STPG2: variants seen among roughly 807,000 people sequenced by gnomAD.
STPG2 encodes sperm tail PG-rich repeat containing 2.
STPG2 carries 56 observed loss-of-function variants against 54.2 expected under a neutral mutation model. That is an observed-to-expected ratio of 1.03 (90% CI 0.83 to 1.29). STPG2 has a LOEUF of 1.29. Among genes scored for constraint, STPG2 ranks in the 50% most tolerant of loss-of-function variants. STPG2 has a pLI of 0.00. For synonymous variants in STPG2, 200 were observed against 181.8 expected, an observed-to-expected ratio of 1.10 and a Z score of -0.81; for missense variants, 596 against 544.9, an observed-to-expected ratio of 1.09 and a Z score of -0.93.
At chr4:97,801,967 G>A (rs1026248238) in intron 9 of STPG2, among the ~76,000 whole-genome samples, 3 of 152,156 alleles carry the variant, frequency 2.0e-5, no homozygotes, top group African/African-American at 7.2e-5. Flanking sequence ...TCTCAAACTA[G>A]CATGCATTAG....
At chr4:98,139,646 A>G (rs1222570430) in intron 1 of STPG2, among the ~76,000 whole-genome samples, 1 of 139,354 alleles carries the variant, frequency 7.2e-6, no homozygotes, top group East Asian at 2.0e-4. Flanking sequence ...TGTTCCTTCT[A>G]TTGATTATCA....
chr4:97,488,532 A>C (rs1016935971), intron 4 of STPG2, among the ~76,000 whole-genome samples: 13 of 151,742 alleles, frequency 8.6e-5, no homozygotes, highest in African/African-American at 2.9e-4. Flanking sequence ...ATAGAAATTT[A>C]TGTCTCACTC....
intron 8 of STPG2, among the ~76,000 whole-genome samples, chr4:97,845,872 T>C (rs1007617019): frequency 6.6e-6 from 1 of 152,216 alleles, no homozygotes; most frequent in Non-Finnish European, 1.5e-5. Flanking sequence ...AGCCATTTAC[T>C]AAGTCTGGGC....
chr4:97,957,467 G>A (rs1733723016), intron 7 of STPG2, among the ~76,000 whole-genome samples: 1 of 151,956 alleles, frequency 6.6e-6, no homozygotes, highest in South Asian at 2.1e-4. Context: ...TGAGAAAGAA[G>A]GGAAATCTAG....
intron 10 of STPG2, among the ~76,000 whole-genome samples, chr4:97,612,798 C>T (rs1733764163): frequency 6.6e-6 from 1 of 151,754 alleles, no homozygotes; most frequent in African/African-American, 2.4e-5. Context: ...TACACTACAG[C>T]ATAAATAAAA....
intron 4 of STPG2, among the ~76,000 whole-genome samples, chr4:97,494,897 C>T (rs185241402): frequency 2.0e-4 from 30 of 151,494 alleles, no homozygotes; most frequent in Admixed American, 8.6e-4. Flanking sequence ...AAAATATATA[C>T]GCCACATACT....
chr4:97,563,580 C>T (rs1477797185), intron 10 of STPG2, among the ~76,000 whole-genome samples: 4 of 152,156 alleles, frequency 2.6e-5, no homozygotes, highest in African/African-American at 9.7e-5. Flanking sequence ...GCATTTAGTG[C>T]TATAAATTTC....
intron 8 of STPG2, among the ~76,000 whole-genome samples, chr4:97,879,511 T>A (rs1730296695): frequency 6.6e-6 from 1 of 152,108 alleles, no homozygotes; most frequent in South Asian, 2.1e-4. Flanking sequence ...CAAAAGTGGT[T>A]TCCCCTTATA....
At chr4:97,930,149 A>C (rs1236791698) in intron 8 of STPG2, among the ~76,000 whole-genome samples, 1 of 152,038 alleles carries the variant, frequency 6.6e-6, no homozygotes, top group Non-Finnish European at 1.5e-5. Flanking sequence ...TACCCACCTC[A>C]GCCTCCTAAA....
chr4:97,864,433 A>G (rs1387523790), intron 8 of STPG2, among the ~76,000 whole-genome samples: 1 of 152,230 alleles, frequency 6.6e-6, no homozygotes, highest in Non-Finnish European at 1.5e-5. Flanking sequence ...GCTCAGTGAA[A>G]TAAAAGAGGA....
At chr4:98,010,040 T>C (rs757724612) in intron 5 of STPG2, among the ~76,000 whole-genome samples, 83 of 152,172 alleles carry the variant, frequency 5.5e-4, no homozygotes, top group East Asian at 5.8e-4. Flanking sequence ...TTTTATCTTT[T>C]CAAAAATCCA....
chr4:97,728,849 T>C (rs1724701941), intron 9 of STPG2, among the ~76,000 whole-genome samples: 1 of 151,964 alleles, frequency 6.6e-6, no homozygotes, highest in African/African-American at 2.4e-5. Flanking sequence ...CCTACAAATA[T>C]CTCCAGAAAT....
chr4:97,490,511 T>C (rs1390516734), intron 4 of STPG2, among the ~76,000 whole-genome samples: 1 of 151,554 alleles, frequency 6.6e-6, no homozygotes, highest in African/African-American at 2.4e-5. Flanking sequence ...TATCTGTACA[T>C]TCCCACTAAG....
intron 10 of STPG2, among the ~76,000 whole-genome samples, chr4:97,609,770 AT>A (rs1433779750): frequency 3.9e-5 from 6 of 152,104 alleles, no homozygotes; most frequent in Non-Finnish European, 7.4e-5. Flanking sequence ...CACAAATATA[AT>A]TCAGATTAAA....
intron 9 of STPG2, among the ~76,000 whole-genome samples, chr4:97,793,400 CACAG>C (rs1222130431): frequency 5.4e-5 from 8 of 148,274 alleles, no homozygotes; most frequent in African/African-American, 2.0e-4. Context: ...CACACACACA[CACAG>C]AGAAATAGCA....
At chr4:97,816,235 A>C (rs2149100717) in intron 9 of STPG2, among the ~76,000 whole-genome samples, 1 of 151,716 alleles carries the variant, frequency 6.6e-6, no homozygotes, top group South Asian at 2.1e-4. Context: ...GCTGCATAGT[A>C]CTCCATGGTA....
At chr4:98,140,679 A>T (rs899077769) in intron 1 of STPG2, among the ~76,000 whole-genome samples, 4 of 151,526 alleles carry the variant, frequency 2.6e-5, no homozygotes, top group Non-Finnish European at 4.4e-5. Context: ...CTGGAAAAAA[A>T]TTTTAAAAGG....
chr4:98,006,270 G>A (rs189307910), intron 5 of STPG2, among the ~76,000 whole-genome samples: 1 of 152,312 alleles, frequency 6.6e-6, no homozygotes, highest in Non-Finnish European at 1.5e-5. Flanking sequence ...AGAGGAAAGA[G>A]GAAGAGAGTG....
intron 4 of STPG2, among the ~76,000 whole-genome samples, chr4:97,537,753 G>T (rs1159165062): frequency 3.3e-5 from 5 of 152,134 alleles, no homozygotes; most frequent in African/African-American, 1.2e-4. Context: ...CTCCTCAAGT[G>T]GGTCCCTGAC....
Sources: allele counts gnomAD v4.1 joint callset (sites outside exome capture counted in the v4.1 genomes callset), GRCh38; gene constraint gnomAD v4.1.1; transcripts MANE v1.5; gene names NCBI Gene and HGNC (gene_info 2026-07-23, HGNC 2026-07-21).